EXOC5: variants seen among roughly 807,000 people sequenced by gnomAD.
The protein encoded by EXOC5 is exocyst complex component 5.
In EXOC5, 17 loss-of-function variants were observed where a neutral mutation model predicts 90.8. That is an observed-to-expected ratio of 0.19 (90% confidence interval 0.13 to 0.28). EXOC5 has a LOEUF of 0.28. Among genes scored for constraint, EXOC5 ranks in the 10% least tolerant of loss-of-function variants. The pLI is 1.00. For missense variants in EXOC5, 569 were observed against 830.6 expected (o/e 0.69, Z 3.87); for synonymous variants, 260 against 270.0 (o/e 0.96, Z 0.36).
At chr14:57,227,943 TATACAC>T (rs1555368463) in intron 12 of EXOC5, among the ~76,000 whole-genome samples, 4 of 123,622 alleles carry the variant, frequency 3.2e-5, no homozygotes, top group African/African-American at 1.8e-4. Flanking sequence ...TACATATATA[TATACAC>T]ACACACACAC....
intron 17 of EXOC5, 139 bp from the exon 18 acceptor site, chr14:57,208,936 C>G: frequency 1.8e-6 from 1 of 543,098 alleles, no homozygotes; most frequent in Non-Finnish European, 3.3e-6. Context: ...TTTTAAAGAT[C>G]ACAATGCATT....
intron 4 of EXOC5, among the ~76,000 whole-genome samples, chr14:57,240,623 T>G (rs1350881672): frequency 1.3e-5 from 2 of 152,046 alleles, no homozygotes; most frequent in African/African-American, 4.8e-5. Flanking sequence ...CTAAGGAACT[T>G]AGGCAAGAGT....
At chr14:57,248,203 G>A (rs796612572) in intron 1 of EXOC5, among the ~76,000 whole-genome samples, 1 of 151,470 alleles carries the variant, frequency 6.6e-6, no homozygotes, top group African/African-American at 2.4e-5. Flanking sequence ...GGAGGCCAGC[G>A]GGTAAGTATT....
In EXOC5 at chr14:57,204,935, T is replaced by C. The variant is rs778507492; in HGVS notation, c.*3674A>G. ...TGAACCTATCAAACTAAAGGATCTA[T>C]TTAACGTTACGTAAGGAGAATAGCA... On this transcript the variant is annotated 3_prime_UTR_variant, in exon 18 of 18. Transcript: ENST00000621441. 3 of 152,046 alleles carry C rather than the reference T, an allele frequency of 2.0e-5. No individual in the cohort carries two copies. Among genetic ancestry groups the C allele is most frequent in the Non-Finnish European group, 4.4e-5 (3 of 67,894 alleles). 9.4% of individuals were successfully genotyped at this position (152,046 alleles called of 1,614,324 possible).
rs1038238067 is a variant in EXOC5 at position 57,207,526 on chromosome 14, G to A, written c.*1083C>T. 6.6e-6 allele frequency: 1 copy of A among 152,112 alleles called. No individual in the cohort carries two copies. The highest frequency in any genetic ancestry group is 1.5e-5 in the Non-Finnish European group (1 of 67,946). The allele number at this position is 152,112 out of a possible 1,614,324, so 9.4% of individuals were successfully genotyped here. ...CAATTCCATTAACTATATCCAAGTA[G>A]GAATAACTTCAGAAATGCTTTGAAA... On this transcript the variant is annotated 3_prime_UTR_variant, in exon 18 of 18. Transcript: ENST00000621441.
At position 57,268,656 on chromosome 14, in the gene EXOC5, G is replaced by C. The variant is rs750748852; in HGVS notation, c.-8C>G. 10 of 1,586,088 alleles carry C rather than the reference G, an allele frequency of 6.3e-6. No homozygotes were observed. Among genetic ancestry groups the C allele is most frequent in the East Asian group, 2.3e-5 (1 of 43,840 alleles). On this transcript the variant is annotated 5_prime_UTR_variant, in exon 1 of 18. Coordinates refer to ENST00000621441, the MANE Select transcript of EXOC5 (RefSeq NM_006544.4). ...CTCGGCCGTGGTAGCCATCCCGGCC[G>C]GCTGAGAGGCTCGCCCCCCACTGGA... is the stretch of plus-strand genomic sequence containing the variant.
chr14:57,250,313 A>C (rs1222894522), intron 1 of EXOC5, among the ~76,000 whole-genome samples: 1 of 152,144 alleles, frequency 6.6e-6, no homozygotes, highest in Non-Finnish European at 1.5e-5. Flanking sequence ...AGTTTATACC[A>C]AAGTCTTATA....
chr14:57,256,624 C>A (rs1299783194), intron 1 of EXOC5, among the ~76,000 whole-genome samples: 1 of 152,182 alleles, frequency 6.6e-6, no homozygotes, highest in East Asian at 1.9e-4. Flanking sequence ...AATGTGCCAT[C>A]CAGATTGCCC....
chr14:57,265,304 C>G (rs1213217857), intron 1 of EXOC5, among the ~76,000 whole-genome samples: 1 of 152,050 alleles, frequency 6.6e-6, no homozygotes, highest in African/African-American at 2.4e-5. Context: ...AGAACTCTCC[C>G]GTAATGGTAG....
intron 10 of EXOC5, 86 bp downstream of exon 10, chr14:57,232,581 T>C (rs1883519163): frequency 1.7e-6 from 1 of 593,264 alleles, no homozygotes; most frequent in Non-Finnish European, 2.9e-6. Flanking sequence ...ACAAACTTAT[T>C]CAAAAATACC....
chr14:57,263,047 C>T (rs1884562952), intron 1 of EXOC5, among the ~76,000 whole-genome samples: 1 of 152,124 alleles, frequency 6.6e-6, no homozygotes, highest in South Asian at 2.1e-4. Flanking sequence ...TCCCTATTTT[C>T]CCAGCTAACA....
Position 57,232,761 on chromosome 14 carries a change from AG to A in EXOC5, c.856-13del. ...TCTTTCACAAAACTCTAAAAGAAAA[AG>A]GTTAACATTCTGTTAATTAGGTAAA... On this transcript the variant is annotated splice_polypyrimidine_tract_variant and intron_variant, in intron 9 of 17. Transcript: ENST00000621441. The A allele has an allele frequency of 7.4e-7, 1 of 1,344,300 alleles. No individual in the cohort carries two copies. Among genetic ancestry groups the A allele is most frequent in the Non-Finnish European group, 1.0e-6 (1 of 959,684 alleles). 83.3% of individuals were successfully genotyped at this position (1,344,300 alleles called of 1,614,324 possible).
At position 57,268,771 on chromosome 14, in the gene EXOC5, C is replaced by A. The variant is rs207474873; in HGVS notation, c.-123G>T. 17 of 1,450,088 alleles carry A rather than the reference C, an allele frequency of 1.2e-5. No individual in the cohort carries two copies. In the African/African-American group the frequency reaches 1.6e-4, roughly 14 times the overall value. The allele number at this position is 1,450,088 out of a possible 1,614,324, so 89.8% of individuals were successfully genotyped here. On this transcript the variant is annotated 5_prime_UTR_variant, in exon 1 of 18. Coordinates refer to ENST00000621441, the MANE Select transcript of EXOC5 (RefSeq NM_006544.4). ...AGCTCCGGCTCCGGGCCGCTGCGGG[C>A]TCCCCAGCTCCCCACAGATCCCAGG...
intron 13 of EXOC5, 149 bp downstream of exon 13, chr14:57,222,159 C>T (rs979593003): frequency 1.0e-5 from 5 of 493,892 alleles, no homozygotes; most frequent in Admixed American, 3.9e-5. Flanking sequence ...CAGCACCTGG[C>T]AAATCCTTGC....
Position 57,244,233 on chromosome 14 carries a change from A to G in EXOC5, c.397T>C (p.Leu133=). The change falls in exon 4 of 18, where the codon TTG becomes CTG. Residue 133 remains leucine, a synonymous_variant. Transcript: ENST00000621441. ...AGAAACTCATTAAAGTATTTCATCA[A>G]TTTCTGAGCCTCCACTGCCCGTTGT... is the stretch of plus-strand genomic sequence containing the variant. The part of the protein sequence containing the change: ...PRQRAVEAQK[L]MKYFNEFLDG... The G allele has an allele frequency of 6.2e-7, 1 of 1,613,758 alleles. No individual in the cohort carries two copies. The highest frequency in any genetic ancestry group is 8.5e-7 in the Non-Finnish European group (1 of 1,179,684).
At position 57,242,164 on chromosome 14, in the gene EXOC5, A is replaced by C. The variant is rs536160247; in HGVS notation, c.465+2001T>G. ...AAAAAAAAGAAAAAAAAGAAAAAAAAACAAAACCAACATATGTGTAAGGAC... is the reference window on the plus strand; with the variant it reads ...AAAAAAAAGAAAAAAAAGAAAAAAACACAAAACCAACATATGTGTAAGGAC... On this transcript the variant is annotated intron_variant, in intron 4 of 17. Coordinates refer to ENST00000621441, the MANE Select transcript of EXOC5 (RefSeq NM_006544.4). Among the ~76,000 whole-genome samples the C allele has an allele frequency of 6.3e-4, 96 of 151,976 alleles. No individual in the cohort carries two copies. The East Asian group carries it at 0.018, about 28-fold the overall frequency.
At chr14:57,249,304 T>A (rs1421080462) in intron 1 of EXOC5, among the ~76,000 whole-genome samples, 1 of 152,140 alleles carries the variant, frequency 6.6e-6, no homozygotes, top group Non-Finnish European at 1.5e-5. Context: ...CATATCCCTT[T>A]CCCTATCATT....
intron 1 of EXOC5, chr14:57,268,271 C>T: frequency 4.9e-6 from 2 of 405,674 alleles, no homozygotes; most frequent in Non-Finnish European, 8.7e-6. Context: ...TCTCTTTCCT[C>T]GTCCTGAGTC....
At chr14:57,265,056 TA>T (rs1884627575) in intron 1 of EXOC5, among the ~76,000 whole-genome samples, 1 of 151,570 alleles carries the variant, frequency 6.6e-6, no homozygotes, top group South Asian at 2.1e-4. Flanking sequence ...TCATCATCTT[TA>T]ACATATTAAG....
Sources: gnomAD v4.1 joint callset for allele counts (sites outside exome capture counted in the v4.1 genomes callset) on GRCh38, gnomAD v4.1.1 for gene constraint, MANE v1.5 for transcripts, NCBI Gene and HGNC (gene_info 2026-07-23, HGNC 2026-07-21) for gene names.